BMP5: variants seen among roughly 807,000 people sequenced by gnomAD.
The protein encoded by BMP5 is bone morphogenetic protein 5.
In BMP5, 23 loss-of-function variants were observed where a neutral mutation model predicts 46.6. That is an observed-to-expected ratio of 0.49 (90% CI 0.35 to 0.70). The LOEUF is 0.70. Ranked by LOEUF, BMP5 falls within the 30% of genes least tolerant of loss-of-function variation. BMP5 has a pLI of 0.00. For missense variants in BMP5, 545 were observed against 565.6 expected, an observed-to-expected ratio of 0.96 and a Z score of 0.37; for synonymous variants, 204 against 191.9, an observed-to-expected ratio of 1.06 and a Z score of -0.52.
chr6:55,754,106 T>A lies in BMP5; in HGVS notation c.*1427A>T, dbSNP rs1582037360. On this transcript the variant is annotated 3_prime_UTR_variant, in exon 7 of 7. Transcript: ENST00000370830. ...AGACATTTTTGGTATACGTTTGGTT[T>A]GAAAGATCCAAAAGGATGATTAATA... 6.6e-6 allele frequency: 1 copy of A among 152,084 alleles called. No individual in the cohort carries two copies. The highest frequency in any genetic ancestry group is 1.9e-4 in the East Asian group (1 of 5,140). 9.4% of individuals were successfully genotyped at this position (152,084 alleles called of 1,614,324 possible).
intron 2 of BMP5, among the ~76,000 whole-genome samples, chr6:55,797,300 T>G (rs1775738769): frequency 6.6e-6 from 1 of 152,222 alleles, no homozygotes; most frequent in Non-Finnish European, 1.5e-5. Flanking sequence ...GTATTTCCCA[T>G]GAACAGTATA....
chr6:55,871,375 T>A (rs572661492), intron 1 of BMP5, among the ~76,000 whole-genome samples: 1 of 152,030 alleles, frequency 6.6e-6, no homozygotes, highest in South Asian at 2.1e-4. Context: ...AAAAGTGGCC[T>A]AAGAATAATG....
At chr6:55,785,510 G>A (rs1582063098) in intron 3 of BMP5, among the ~76,000 whole-genome samples, 1 of 151,698 alleles carries the variant, frequency 6.6e-6, no homozygotes, top group African/African-American at 2.4e-5. Context: ...GACATTACGC[G>A]AGTTAGAAAA....
rs756196346 is a variant in BMP5 at position 55,819,814 on chromosome 6, C to T, written c.524G>A (p.Arg175Lys). ...ATCAAATCGAAATTCTTTGTAATGCCTTCGCTGGTGAGAAAAATCCTTGTC... is the reference window on the plus strand; with the variant it reads ...ATCAAATCGAAATTCTTTGTAATGCTTTCGCTGGTGAGAAAAATCCTTGTC... ...ERDKDFSHQR[R>K]HYKEFRFDLT... is the part of the protein sequence containing the mutation. The change falls in exon 2 of 7, where the codon AGG becomes AAG. Residue 175 changes from arginine to lysine, a missense_variant. Transcript: ENST00000370830. 7 of 1,613,714 alleles carry T rather than the reference C, an allele frequency of 4.3e-6. No individual in the cohort carries two copies. In the African/African-American group the frequency reaches 9.3e-5, roughly 22 times the overall value.
intron 1 of BMP5, among the ~76,000 whole-genome samples, chr6:55,839,897 A>T (rs1379015857): frequency 6.6e-6 from 1 of 152,004 alleles, no homozygotes; most frequent in African/African-American, 2.4e-5. Context: ...CTATTAGGTT[A>T]TTTATCTTAT....
chr6:55,789,408 A>T (rs1217018774), intron 3 of BMP5, among the ~76,000 whole-genome samples: 1 of 152,022 alleles, frequency 6.6e-6, no homozygotes, highest in Non-Finnish European at 1.5e-5. Context: ...TAAGCTATAT[A>T]AAGCATCAAA....
intron 1 of BMP5, among the ~76,000 whole-genome samples, chr6:55,870,526 CA>C (rs961662482): frequency 1.3e-5 from 2 of 151,952 alleles, no homozygotes; most frequent in South Asian, 2.1e-4. Context: ...CATCCCCCTT[CA>C]AAAAAAACTT....
intron 3 of BMP5, among the ~76,000 whole-genome samples, chr6:55,778,134 C>T (rs766681975): frequency 6.6e-6 from 1 of 151,970 alleles, no homozygotes; most frequent in South Asian, 2.1e-4. Context: ...AGAGACAATG[C>T]CAGTAATGGG....
intron 4 of BMP5, among the ~76,000 whole-genome samples, chr6:55,768,565 T>C (rs1774972193): frequency 6.6e-6 from 1 of 151,932 alleles, no homozygotes; most frequent in Non-Finnish European, 1.5e-5. Flanking sequence ...CAAACTTTAT[T>C]TGGGTTTATT....
chr6:55,853,432 T>C (rs1777304778), intron 1 of BMP5, among the ~76,000 whole-genome samples: 1 of 149,344 alleles, frequency 6.7e-6, no homozygotes, highest in Admixed American at 6.7e-5. Context: ...ATTAACATCA[T>C]TGCTGTACCA....
chr6:55,862,670 T>C (rs1215567972), intron 1 of BMP5, among the ~76,000 whole-genome samples: 2 of 152,190 alleles, frequency 1.3e-5, no homozygotes, highest in East Asian at 3.9e-4. Context: ...CACACTTATA[T>C]TTTGGAATGT....
At chr6:55,811,538 T>C (rs1776134008) in intron 2 of BMP5, among the ~76,000 whole-genome samples, 1 of 152,194 alleles carries the variant, frequency 6.6e-6, no homozygotes. Context: ...CTGGCATTGA[T>C]CATTTTATTG....
intron 1 of BMP5, among the ~76,000 whole-genome samples, chr6:55,860,664 G>GAGTA (rs1562075721): frequency 2.0e-5 from 3 of 152,142 alleles, no homozygotes; most frequent in African/African-American, 7.2e-5. Context: ...TTTACTCTTA[G>GAGTA]CTACTTCTTG....
intron 1 of BMP5, among the ~76,000 whole-genome samples, chr6:55,866,916 TTAAC>T (rs1286096674): frequency 1.3e-5 from 2 of 152,188 alleles, no homozygotes; most frequent in Non-Finnish European, 2.9e-5. Context: ...TTACTATAAA[TTAAC>T]TAAATAATAC....
At chr6:55,859,633 C>T (rs1446866889) in intron 1 of BMP5, among the ~76,000 whole-genome samples, 1 of 152,150 alleles carries the variant, frequency 6.6e-6, no homozygotes, top group Non-Finnish European at 1.5e-5. Context: ...AAAACATCAA[C>T]AATAATTGGC....
intron 4 of BMP5, among the ~76,000 whole-genome samples, chr6:55,767,559 T>C (rs772511393): frequency 6.7e-6 from 1 of 148,844 alleles, no homozygotes; most frequent in Non-Finnish European, 1.5e-5. Context: ...TATTAAGTGA[T>C]GGATAGATGA....
intron 1 of BMP5, among the ~76,000 whole-genome samples, chr6:55,852,223 A>G (rs1777263750): frequency 6.6e-6 from 1 of 152,058 alleles, no homozygotes; most frequent in Admixed American, 6.6e-5. Flanking sequence ...TGGTAGGAAA[A>G]TTACTAAACT....
At chr6:55,765,465 A>G (rs1025701820) in intron 4 of BMP5, among the ~76,000 whole-genome samples, 5 of 152,206 alleles carry the variant, frequency 3.3e-5, no homozygotes, top group African/African-American at 1.2e-4. Flanking sequence ...CTAAAGCATC[A>G]GAAGACCTTA....
In BMP5 at chr6:55,755,146, A is replaced by G. The variant is rs111626835; in HGVS notation, c.*387T>C. The G allele has an allele frequency of 1.3e-3, 195 of 154,212 alleles. 5 individuals carry two copies. The highest frequency in any genetic ancestry group is 1.2e-3 in the Non-Finnish European group (85 of 69,482). The allele number at this position is 154,212 out of a possible 1,614,324, so 9.6% of individuals were successfully genotyped here. ...CTATCATGGTTTTCATTGGCACAAT[A>G]TAACTAAATTATTCAATTTCCTTCC... On this transcript the variant is annotated 3_prime_UTR_variant, in exon 7 of 7. Coordinates refer to ENST00000370830, the MANE Select transcript of BMP5 (RefSeq NM_021073.4).
Sources: allele counts gnomAD v4.1 joint callset (sites outside exome capture counted in the v4.1 genomes callset), GRCh38; gene constraint gnomAD v4.1.1; transcripts MANE v1.5; gene names NCBI Gene and HGNC (gene_info 2026-07-23, HGNC 2026-07-21).